SLC22A8: variants seen among roughly 807,000 people sequenced by gnomAD.
The protein encoded by SLC22A8 is organic anion transporter 3.
SLC22A8 carries 40 observed loss-of-function variants against 48.4 expected under a neutral mutation model. That is an observed-to-expected ratio of 0.83 (90% confidence interval 0.64 to 1.08). SLC22A8 has a LOEUF of 1.08. Among genes scored for constraint, SLC22A8 ranks in the 50% least tolerant of loss-of-function variants. The pLI, the probability that SLC22A8 is intolerant of heterozygous loss-of-function variation, is 0.00. For missense variants in SLC22A8, 606 were observed against 699.0 expected (o/e 0.87, Z 1.50); for synonymous variants, 268 against 286.3 (o/e 0.94, Z 0.65).
rs900227682 is a variant in SLC22A8, at chr11:63,015,839, T to G, written c.-136A>C. 3 of 152,384 alleles carry G rather than the reference T, an allele frequency of 2.0e-5. No homozygotes were observed. The highest frequency in any genetic ancestry group is 7.2e-5 in the African/African-American group (3 of 41,452). The allele number at this position is 152,384 out of a possible 1,614,324, so 9.4% of individuals were successfully genotyped here. On this transcript the variant is annotated 5_prime_UTR_variant, in exon 1 of 11. Transcript: ENST00000336232. ...GTAGGGCAGCTCAGCTCTAACAAGC[T>G]GTGTTTGTGCCTCCCCCAGGGGGGC...
Position 62,993,343 on chromosome 11 carries a change from A to T in SLC22A8, c.1530-7T>A. On this transcript the variant is annotated splice_region_variant and splice_polypyrimidine_tract_variant and intron_variant, in intron 10 of 10. Coordinates refer to ENST00000336232, the MANE Select transcript of SLC22A8 (RefSeq NM_004254.4). ...CTTCTTTGCCCGCAGGGACCTAGGG[A>T]CAGAGAGCTAAGGAAAAGCCCTGGG... 6.2e-7 allele frequency: 1 copy of T among 1,613,832 alleles called. No homozygotes were observed. Among genetic ancestry groups the T allele is most frequent in the Non-Finnish European group, 8.5e-7 (1 of 1,179,828 alleles).
rs1275335278 is a variant in SLC22A8 at position 62,993,297 on chromosome 11, C to T, written c.1569G>A (p.Val523=). 6.2e-7 allele frequency: 1 copy of T among 1,613,800 alleles called. No individual in the cohort carries two copies. Among genetic ancestry groups the T allele is most frequent in the Admixed American group, 1.7e-5 (1 of 59,998 alleles). Residue 523 remains valine (V), a synonymous_variant, in exon 11 of 11, where the codon GTG becomes GTA. Coordinates refer to ENST00000336232, the MANE Select transcript of SLC22A8 (RefSeq NM_004254.4). ...RAKKPKQEPE[V]EKASQRIPLQ... ...GAGGGATCCTCTGGGAGGCCTTTTC[C>T]ACCTCTGGCTCCTGCTTTGGCTTCT...
At chr11:62,999,235 C>A (rs1447132483) in intron 4 of SLC22A8, 146 bp from the exon 5 acceptor site, 13 of 665,220 alleles carry the variant, frequency 2.0e-5, no homozygotes, top group Admixed American at 2.7e-5. Flanking sequence ...GGTCTTCCTG[C>A]TGTTCTGATG....
rs764926810 is a variant in SLC22A8, at chr11:63,000,791, C to A, written c.366G>T (p.Lys122Asn). 3.1e-6 allele frequency: 5 copies of A among 1,614,004 alleles called. No homozygotes were observed. In the African/African-American group the frequency reaches 5.3e-5, roughly 17 times the overall value. ...WDLVCNSNKL[K>N]EMAQSIFMAG... ...CCATGAAGATAGACTGGGCCATCTC[C>A]TTCAGTTTGTTGGAGTTGCACACCA... Residue 122 changes from lysine to asparagine, a missense_variant, in exon 3 of 11, where the codon AAG (lysine) becomes AAT (asparagine). Coordinates refer to ENST00000336232, the MANE Select transcript of SLC22A8 (RefSeq NM_004254.4).
intron 2 of SLC22A8, chr11:63,001,107 T>C: frequency 2.5e-6 from 1 of 401,698 alleles, no homozygotes; most frequent in Non-Finnish European, 4.7e-6. Flanking sequence ...CTTCCTCCTC[T>C]CCAAGTTGCC....
intron 2 of SLC22A8, among the ~76,000 whole-genome samples, chr11:63,010,219 C>A (rs2086602374): frequency 6.6e-6 from 1 of 152,164 alleles, no homozygotes; most frequent in Non-Finnish European, 1.5e-5. Flanking sequence ...GATGAGGAAT[C>A]CGAGACTTCT....
chr11:63,006,595 G>GTTTTTTGTTTTTTTTTTTT (rs2086557443), intron 2 of SLC22A8, among the ~76,000 whole-genome samples: 1 of 51,402 alleles, frequency 1.9e-5, no homozygotes, highest in Non-Finnish European at 3.5e-5. Context: ...TCTCATTTGA[G>GTTTTTTGTTTTTTTTTTTT]TTTTTTTTTT....
At chr11:62,999,125 G>C (rs779906993) in intron 4 of SLC22A8, 36 bp from the exon 5 acceptor site, 2 of 1,586,764 alleles carry the variant, frequency 1.3e-6, no homozygotes, top group African/African-American at 1.3e-5. Flanking sequence ...TTAGTGTTCT[G>C]CTAGGTCCCA....
At chr11:63,001,528 T>G (rs909766297) in intron 2 of SLC22A8, among the ~76,000 whole-genome samples, 5 of 152,236 alleles carry the variant, frequency 3.3e-5, no homozygotes, top group African/African-American at 9.6e-5. Flanking sequence ...TGGCCTGGCT[T>G]GCCCTCTGGC....
At chr11:63,013,780 A>T (rs752375491) in intron 2 of SLC22A8, among the ~76,000 whole-genome samples, 1 of 152,208 alleles carries the variant, frequency 6.6e-6, no homozygotes, top group Non-Finnish European at 1.5e-5. Context: ...CAAACAAGAC[A>T]GTGTCTACAA....
rs189665363 is a variant in SLC22A8 at position 62,994,776 on chromosome 11, T to A, written c.1002-20A>T. On this transcript the variant is annotated intron_variant, in intron 7 of 10. Coordinates refer to ENST00000336232, the MANE Select transcript of SLC22A8 (RefSeq NM_004254.4). ...GCAAACCTGAGAGGCAGAGAAGGAT[T>A]GGTTAGCACCTGCAGCCAGGCAGAG... 2.2e-5 allele frequency: 36 copies of A among 1,604,682 alleles called. 1 individual carries two copies. In the African/African-American group the frequency reaches 2.3e-4, roughly 10 times the overall value.
rs145866464 is a variant in SLC22A8, at chr11:63,006,251, G to C, written c.334-5428C>G. ...TTGGATTCCATCAGGTTACACTACA[G>C]AAGCTCCATGCTATTGCATTTCTCT... On this transcript the variant is annotated intron_variant, in intron 2 of 10. Coordinates refer to ENST00000336232, the MANE Select transcript of SLC22A8 (RefSeq NM_004254.4). 7.8e-4 allele frequency among the ~76,000 whole-genome samples: 119 copies of C among 152,286 alleles called. 1 individual carries two copies. In the East Asian group the frequency reaches 0.019, roughly 24 times the overall value.
intron 2 of SLC22A8, among the ~76,000 whole-genome samples, chr11:63,005,561 T>C (rs985302365): frequency 3.9e-5 from 6 of 152,200 alleles, no homozygotes; most frequent in Non-Finnish European, 8.8e-5. Context: ...GTAGATGTAA[T>C]TAGCTAAGTT....
rs1229702707 is a variant in SLC22A8, at chr11:63,014,995, G to A, written c.-25-12C>T. ...AAGACGAGCCAGAGCTGTGGGCAGG[G>A]CATAGGCCAGGGAGAGGTATATTTG... On this transcript the variant is annotated splice_polypyrimidine_tract_variant and intron_variant, in intron 1 of 10. Coordinates refer to ENST00000336232, the MANE Select transcript of SLC22A8 (RefSeq NM_004254.4). The A allele has an allele frequency of 2.7e-6, 4 of 1,509,274 alleles. No homozygotes were observed. The highest frequency in any genetic ancestry group is 3.6e-6 in the Non-Finnish European group (4 of 1,120,916). 93.5% of individuals were successfully genotyped at this position (1,509,274 alleles called of 1,614,324 possible).
At position 62,999,072 on chromosome 11, in the gene SLC22A8, T is replaced by C; in HGVS notation, c.610A>G (p.Thr204Ala). Residue 204 changes from threonine to alanine, a missense_variant, in exon 5 of 11, where the codon ACC becomes GCC. Coordinates refer to ENST00000336232, the MANE Select transcript of SLC22A8 (RefSeq NM_004254.4). ...TVILNVEWVP[T>A]RMRAIMSTAL... Reference sequence around the variant, plus strand: ...GTCGACATGATGGCCCGCATCCGGGTAGGCACCCATTCCACATCTGTGGGA... The same window carrying C: ...GTCGACATGATGGCCCGCATCCGGGCAGGCACCCATTCCACATCTGTGGGA... 6.2e-7 allele frequency: 1 copy of C among 1,613,442 alleles called. No homozygotes were observed. Among genetic ancestry groups the C allele is most frequent in the Non-Finnish European group, 8.5e-7 (1 of 1,179,476 alleles).
At chr11:63,009,012 C>T (rs1295414775) in intron 2 of SLC22A8, among the ~76,000 whole-genome samples, 1 of 152,088 alleles carries the variant, frequency 6.6e-6, no homozygotes, top group Non-Finnish European at 1.5e-5. Context: ...CGCACATAAT[C>T]AGGGGCTTTC....
chr11:63,002,375 A>T (rs1160517672), intron 2 of SLC22A8, among the ~76,000 whole-genome samples: 1 of 152,154 alleles, frequency 6.6e-6, no homozygotes, highest in Admixed American at 6.5e-5. Context: ...TTTTGTGGTG[A>T]TACTTTTGAA....
chr11:63,003,233 C>A (rs1198624101), intron 2 of SLC22A8, among the ~76,000 whole-genome samples: 1 of 152,328 alleles, frequency 6.6e-6, no homozygotes, highest in Admixed American at 6.5e-5. Context: ...GAATTTAATT[C>A]AATAGAAATG....
At chr11:63,002,343 A>T (rs1481606386) in intron 2 of SLC22A8, among the ~76,000 whole-genome samples, 1 of 152,224 alleles carries the variant, frequency 6.6e-6, no homozygotes, top group Non-Finnish European at 1.5e-5. Flanking sequence ...GCTAATTAAC[A>T]TCACTTCATT....
Sources: gnomAD v4.1 joint callset for allele counts (sites outside exome capture counted in the v4.1 genomes callset) on GRCh38, gnomAD v4.1.1 for gene constraint, MANE v1.5 for transcripts, NCBI Gene and HGNC (gene_info 2026-07-23, HGNC 2026-07-21) for gene names.